The following TUT4 variants were observed in gnomAD, a reference collection of about 807,000 sequenced individuals.
TUT4 encodes terminal uridylyltransferase 4.
In TUT4, 36 loss-of-function variants were observed where a neutral mutation model predicts 192.2. The ratio of observed to expected loss-of-function variants is 0.19; its 90% confidence interval spans 0.14 to 0.25. The LOEUF is 0.25. Ranked by LOEUF, TUT4 falls within the 10% of genes least tolerant of loss-of-function variation. TUT4 has a pLI of 1.00. For synonymous variants in TUT4, 618 were observed against 666.0 expected (o/e 0.93, Z 1.11); for missense variants, 1,493 against 1,957.2 (o/e 0.76, Z 4.47).
chr1:52,480,188 G>GA (rs1668160061), intron 11 of TUT4, among the ~76,000 whole-genome samples: 1 of 151,870 alleles, frequency 6.6e-6, no homozygotes, highest in Admixed American at 6.6e-5. Context: ...ACATACACAA[G>GA]AAAAAAGGGA....
rs1662450730 is a variant in TUT4 at position 52,461,209 on chromosome 1, T to G, written c.3246A>C (p.Thr1082=). 1 of 1,605,960 alleles carries G rather than the reference T, an allele frequency of 6.2e-7. No individual in the cohort carries two copies. Among genetic ancestry groups the G allele is most frequent in the Non-Finnish European group, 8.5e-7 (1 of 1,176,402 alleles). ...TAGCTGCATAAGTAGCTAGCATTCTTGTGTTATGTTGAGCCTGAAAAATAA... is the reference window on the plus strand; with the variant it reads ...TAGCTGCATAAGTAGCTAGCATTCTGGTGTTATGTTGAGCCTGAAAAATAA... The part of the protein sequence containing the change: ...SLYNTLAQHN[T]RMLATYAAID... Residue 1082 remains threonine, a synonymous_variant, in exon 19 of 30, where the codon ACA becomes ACC. Transcript: ENST00000257177.
Position 52,481,935 on chromosome 1 carries a change from A to AG in TUT4, c.1516-13dup. On this transcript the variant is annotated splice_polypyrimidine_tract_variant and intron_variant, in intron 9 of 29. Transcript: ENST00000257177. Reference sequence around the variant, plus strand: ...TCAATATAGCACAACTGCAAAATGAAGGGGAAAAAAGTACTACCATTTAGC... The same window carrying AG: ...TCAATATAGCACAACTGCAAAATGAAGGGGGAAAAAAGTACTACCATTTAGC... The AG allele has an allele frequency of 6.7e-7, 1 of 1,490,052 alleles. No homozygotes were observed. Among genetic ancestry groups the AG allele is most frequent in the Non-Finnish European group, 8.9e-7 (1 of 1,124,718 alleles). The allele number at this position is 1,490,052 out of a possible 1,614,324, so 92.3% of individuals were successfully genotyped here.
chr1:52,487,231 A>G (rs1670016010), intron 9 of TUT4, among the ~76,000 whole-genome samples: 1 of 152,066 alleles, frequency 6.6e-6, no homozygotes, highest in African/African-American at 2.4e-5. Context: ...GGATCATTTG[A>G]GCCCTGTAGT....
chr1:52,428,919 C>T (rs185111887), intron 28 of TUT4, among the ~76,000 whole-genome samples: 11 of 151,886 alleles, frequency 7.2e-5, no homozygotes, highest in African/African-American at 2.4e-4. Flanking sequence ...AAATTTGATG[C>T]AATGTCTGAG....
intron 4 of TUT4, among the ~76,000 whole-genome samples, chr1:52,509,269 T>C (rs1676458664): frequency 6.6e-6 from 1 of 152,172 alleles, no homozygotes; most frequent in Admixed American, 6.5e-5. Context: ...TCTTAGAAAA[T>C]CTGAGGGCAG....
intron 20 of TUT4, among the ~76,000 whole-genome samples, chr1:52,450,292 G>T (rs1292469152): frequency 9.9e-5 from 15 of 152,072 alleles, no homozygotes; most frequent in Admixed American, 9.8e-4. Context: ...CAGAGCAATG[G>T]ACAATGAGGT....
At chr1:52,485,180 TTA>T (rs1427936333) in intron 9 of TUT4, among the ~76,000 whole-genome samples, 1 of 152,226 alleles carries the variant, frequency 6.6e-6, no homozygotes, top group Non-Finnish European at 1.5e-5. Flanking sequence ...TAATTTCTTC[TTA>T]TATCTTTGTT....
chr1:52,425,394 G>C lies in TUT4; in HGVS notation c.4825C>G (p.Gln1609Glu), dbSNP rs372417888. The change falls in exon 29 of 30, where the codon CAG becomes GAG. Residue 1609 changes from glutamine to glutamate, a missense_variant. By Grantham distance (29) the Gln-to-Glu change is conservative. Coordinates refer to ENST00000257177, the MANE Select transcript of TUT4 (RefSeq NM_001009881.3). ...PYGLHQNFMH[Q>E]GNARFQPNKP... ...TTGGGCTGGAATCGGGCATTTCCCT[G>C]ATGCATGAAGTTTTGATGCAAACCA... 1.4e-5 allele frequency: 23 copies of C among 1,613,806 alleles called. No homozygotes were observed. The highest frequency in any genetic ancestry group is 1.9e-5 in the Non-Finnish European group (22 of 1,179,878).
rs1208015240 is a variant in TUT4, at chr1:52,552,994, C to G, written c.-157G>C. ...CTCATCTCAGTGGCTCCTGCTCTCC[C>G]TCCGCCTCCTGCTGCCGCCGCCGTC... On this transcript the variant is annotated 5_prime_UTR_variant, in exon 1 of 30. Coordinates refer to ENST00000257177, the MANE Select transcript of TUT4 (RefSeq NM_001009881.3). 2 of 157,250 alleles carry G rather than the reference C, an allele frequency of 1.3e-5. No individual in the cohort carries two copies. Among genetic ancestry groups the G allele is most frequent in the Non-Finnish European group, 2.8e-5 (2 of 71,512 alleles). The allele number at this position is 157,250 out of a possible 1,614,324, so 9.7% of individuals were successfully genotyped here.
chr1:52,474,118 G>A (rs1666498039), intron 13 of TUT4, among the ~76,000 whole-genome samples: 1 of 152,200 alleles, frequency 6.6e-6, no homozygotes, highest in Non-Finnish European at 1.5e-5. Flanking sequence ...TGAGGTGGGA[G>A]AATGGCTTGA....
intron 9 of TUT4, among the ~76,000 whole-genome samples, chr1:52,483,500 A>T (rs1205638301): frequency 6.6e-6 from 1 of 152,144 alleles, no homozygotes; most frequent in Non-Finnish European, 1.5e-5. Flanking sequence ...CTGCACATTC[A>T]ATCAACTGCA....
At chr1:52,479,776 C>T (rs961318269) in intron 11 of TUT4, among the ~76,000 whole-genome samples, 13 of 151,832 alleles carry the variant, frequency 8.6e-5, no homozygotes, top group Non-Finnish European at 1.6e-4. Context: ...GGGTGGATCA[C>T]GAGATCAGGA....
At chr1:52,517,802 A>G (rs1287371920) in intron 2 of TUT4, among the ~76,000 whole-genome samples, 2 of 152,210 alleles carry the variant, frequency 1.3e-5, no homozygotes, top group African/African-American at 4.8e-5. Flanking sequence ...AAATCCTAGT[A>G]TTATTTCTAC....
At chr1:52,451,613 G>A (rs970416672) in intron 20 of TUT4, among the ~76,000 whole-genome samples, 6 of 152,090 alleles carry the variant, frequency 3.9e-5, no homozygotes, top group East Asian at 3.9e-4. Context: ...AGGCCAAGGC[G>A]GGCGGATCAC....
intron 28 of TUT4, among the ~76,000 whole-genome samples, chr1:52,429,586 TTTTA>T (rs1279513999): frequency 3.3e-5 from 5 of 150,716 alleles, no homozygotes; most frequent in East Asian, 1.9e-4. Flanking sequence ...TTTTTTTTAA[TTTTA>T]TTTATTTATT....
At chr1:52,498,566 A>C (rs968670764) in intron 4 of TUT4, among the ~76,000 whole-genome samples, 3 of 151,926 alleles carry the variant, frequency 2.0e-5, no homozygotes, top group African/African-American at 4.8e-5. Context: ...ATCCATCCAA[A>C]GAACTAATAG....
At chr1:52,449,365 C>G (rs979025263) in intron 20 of TUT4, among the ~76,000 whole-genome samples, 1 of 152,220 alleles carries the variant, frequency 6.6e-6, no homozygotes, top group Non-Finnish European at 1.5e-5. Flanking sequence ...GTGGCACAAT[C>G]TCAGCTCACT....
intron 28 of TUT4, among the ~76,000 whole-genome samples, chr1:52,429,686 G>A (rs1003960020): frequency 1.3e-5 from 2 of 151,444 alleles, no homozygotes; most frequent in African/African-American, 4.9e-5. Flanking sequence ...CTCTTTCCCT[G>A]GGTTCAAGCG....
intron 2 of TUT4, among the ~76,000 whole-genome samples, chr1:52,520,398 TA>T (rs1679927356): frequency 6.6e-6 from 1 of 152,190 alleles, no homozygotes; most frequent in Non-Finnish European, 1.5e-5. Flanking sequence ...TAAGTGAAAG[TA>T]AGATGAGTTG....
Sources: allele counts gnomAD v4.1 joint callset (sites outside exome capture counted in the v4.1 genomes callset), GRCh38; gene constraint gnomAD v4.1.1; transcripts MANE v1.5; gene names NCBI Gene and HGNC (gene_info 2026-07-23, HGNC 2026-07-21).